SGCZ: variants seen among roughly 807,000 people sequenced by gnomAD.
The protein encoded by SGCZ is sarcoglycan zeta.
A neutral mutation model predicts 41.3 loss-of-function variants in SGCZ; 40 were observed. That is an observed-to-expected ratio of 0.97 (90% CI 0.75 to 1.26). SGCZ has a LOEUF of 1.26. Among genes scored for constraint, SGCZ ranks in the 50% most tolerant of loss-of-function variants. The pLI, the probability that SGCZ is intolerant of heterozygous loss-of-function variation, is 0.00. For missense variants in SGCZ, 552 were observed against 369.8 expected (o/e 1.49, Z -4.04); for synonymous variants, 206 against 137.5 (o/e 1.50, Z -3.49).
rs1807998081 is a variant in SGCZ at position 15,133,630 on chromosome 8, C to G, written c.39+103955G>C. Among the ~76,000 whole-genome samples, 4 of 152,206 alleles carry G rather than the reference C, an allele frequency of 2.6e-5. No individual in the cohort carries two copies. The South Asian group carries it at 6.2e-4, about 24-fold the overall frequency. On this transcript the variant is annotated intron_variant, in intron 1 of 7. Transcript: ENST00000382080. ...GAAAACAAAATCTGCCACATAACCA[C>G]AGTAAACTGATGTCTTTTACTCTCT...
intron 1 of SGCZ, among the ~76,000 whole-genome samples, chr8:14,579,964 AT>A (rs1437189210): frequency 6.6e-6 from 1 of 152,160 alleles, no homozygotes; most frequent in East Asian, 1.9e-4. Context: ...GAGTATTATG[AT>A]TGTCTGCTGA....
chr8:14,087,694 T>C lies in SGCZ; in HGVS notation c.*2749A>G, dbSNP rs1226522429. Among the ~76,000 whole-genome samples the C allele has an allele frequency of 6.7e-6, 1 of 148,262 alleles. No homozygotes were observed. Among genetic ancestry groups the C allele is most frequent in the Non-Finnish European group, 1.5e-5 (1 of 67,284 alleles). On this transcript the variant is annotated 3_prime_UTR_variant, in exon 8 of 8. Transcript: ENST00000382080. ...CATAATCTGTTAGGGTACTGTGCAA[T>C]TAAGGGACCACTATATTTTTAAAAA...
At position 14,345,225 on chromosome 8, in the gene SGCZ, T is replaced by C. The variant is rs1802853552; in HGVS notation, c.235-21021A>G. Among the ~76,000 whole-genome samples, 4 of 152,040 alleles carry C rather than the reference T, an allele frequency of 2.6e-5. No homozygotes were observed. In the South Asian group the frequency reaches 6.2e-4, roughly 24 times the overall value. ...AGCGACATGCCAATTAAACCACAAG[T>C]TTTCACTACACATCCATTAGAGTCA... On this transcript the variant is annotated intron_variant, in intron 2 of 7. Transcript: ENST00000382080.
chr8:15,158,860 T>A (rs1799412158), intron 1 of SGCZ, among the ~76,000 whole-genome samples: 3 of 152,164 alleles, frequency 2.0e-5, no homozygotes, highest in Admixed American at 2.0e-4. Context: ...AAGTCTAAAC[T>A]CAAGGAGGGT....
chr8:15,194,167 C>T lies in SGCZ; in HGVS notation c.39+43418G>A, dbSNP rs1800635337. Among the ~76,000 whole-genome samples, 3 of 148,336 alleles carry T rather than the reference C, an allele frequency of 2.0e-5. No individual in the cohort carries two copies. In the South Asian group the frequency reaches 6.4e-4, roughly 32 times the overall value. ...AATGGGCTACTCACCTGAAATAGTC[C>T]TCGTGTCCCACCTCTAATCACACAC... On this transcript the variant is annotated intron_variant, in intron 1 of 7. Transcript: ENST00000382080.
chr8:14,546,491 A>C (rs1803632094), intron 2 of SGCZ, among the ~76,000 whole-genome samples: 1 of 152,194 alleles, frequency 6.6e-6, no homozygotes, highest in South Asian at 2.1e-4. Flanking sequence ...TAAAGGTGCC[A>C]TTAATAAATG....
At chr8:14,703,498 C>G (rs2117605751) in intron 1 of SGCZ, among the ~76,000 whole-genome samples, 1 of 152,038 alleles carries the variant, frequency 6.6e-6, no homozygotes, top group East Asian at 1.9e-4. Flanking sequence ...TCTCACATTG[C>G]TTTATCTTTT....
rs11782187 is a variant in SGCZ at position 15,237,787 on chromosome 8, A to G, written c.-164T>C. 0.51 allele frequency: 309,090 copies of G among 602,230 alleles called. 83,784 individuals are homozygous for G. Among genetic ancestry groups the G allele is most frequent in the Non-Finnish European group, 0.58 (194,618 of 338,198 alleles). 37.3% of individuals were successfully genotyped at this position (602,230 alleles called of 1,614,324 possible). Reference sequence around the variant, plus strand: ...ACGCCGCCTCCACCGGGTTAAAAATAAGGAAAATAAATAAATAATAATGAT... The same window carrying G: ...ACGCCGCCTCCACCGGGTTAAAAATGAGGAAAATAAATAAATAATAATGAT... On this transcript the variant is annotated 5_prime_UTR_variant, in exon 1 of 8. Transcript: ENST00000382080.
At chr8:14,422,587 A>C (rs545157414) in intron 2 of SGCZ, among the ~76,000 whole-genome samples, 31 of 152,342 alleles carry the variant, frequency 2.0e-4, no homozygotes, top group African/African-American at 7.2e-4. Context: ...TTTTCTGCTT[A>C]CTGTAAAACA....
At chr8:14,616,679 A>G (rs1235969999) in intron 1 of SGCZ, among the ~76,000 whole-genome samples, 1 of 152,146 alleles carries the variant, frequency 6.6e-6, no homozygotes, top group African/African-American at 2.4e-5. Context: ...TGAGTATGTT[A>G]GTCAACTGAT....
intron 2 of SGCZ, among the ~76,000 whole-genome samples, chr8:14,455,321 T>G (rs1467535974): frequency 3.3e-5 from 5 of 152,212 alleles, no homozygotes; most frequent in Non-Finnish European, 4.4e-5. Flanking sequence ...ATAACTAAGG[T>G]ACTGTTTTCT....
At chr8:14,728,167 G>C (rs1810120191) in intron 1 of SGCZ, among the ~76,000 whole-genome samples, 1 of 152,108 alleles carries the variant, frequency 6.6e-6, no homozygotes, top group African/African-American at 2.4e-5. Context: ...GTAGGTATGT[G>C]CAATGTCAAA....
At chr8:14,635,451 T>C (rs765151348) in intron 1 of SGCZ, among the ~76,000 whole-genome samples, 10 of 151,960 alleles carry the variant, frequency 6.6e-5, no homozygotes, top group Non-Finnish European at 1.3e-4. Flanking sequence ...AAGCCAAGTG[T>C]TATGTGACAA....
At chr8:14,833,285 T>C (rs764198342) in intron 1 of SGCZ, among the ~76,000 whole-genome samples, 5 of 151,820 alleles carry the variant, frequency 3.3e-5, no homozygotes, top group African/African-American at 4.8e-5. Flanking sequence ...CTACAGAGAG[T>C]CATATGTGAG....
At position 14,312,322 on chromosome 8, in the gene SGCZ, GA is replaced by G. The variant is rs1314639236; in HGVS notation, c.336+11780del. Reference sequence around the variant, plus strand: ...TGTGGTCTGCTCCTAGAGTTTTGGGGAAAAAAAGTAATTTTTTAGTAAATCT... The same window carrying G: ...TGTGGTCTGCTCCTAGAGTTTTGGGGAAAAAAGTAATTTTTTAGTAAATCT... On this transcript the variant is annotated intron_variant, in intron 3 of 7. Transcript: ENST00000382080. Among the ~76,000 whole-genome samples, 6 of 151,890 alleles carry G rather than the reference GA, an allele frequency of 4.0e-5. No individual in the cohort carries two copies. In the East Asian group the frequency reaches 9.7e-4, roughly 24 times the overall value.
At chr8:14,258,359 G>A (rs1799537971) in intron 3 of SGCZ, among the ~76,000 whole-genome samples, 2 of 152,064 alleles carry the variant, frequency 1.3e-5, no homozygotes, top group African/African-American at 4.8e-5. Context: ...GCAAACACAT[G>A]CCCTGTACTT....
chr8:14,365,099 C>T (rs1803651303), intron 2 of SGCZ, among the ~76,000 whole-genome samples: 4 of 151,694 alleles, frequency 2.6e-5, no homozygotes, highest in Admixed American at 2.6e-4. Flanking sequence ...AACAGCATGC[C>T]CTTTTCACTT....
chr8:14,817,149 T>C (rs1801929375), intron 1 of SGCZ, among the ~76,000 whole-genome samples: 1 of 152,132 alleles, frequency 6.6e-6, no homozygotes. Flanking sequence ...CTCAGTAACA[T>C]CCTTTTCCTT....
rs183543964 is a variant in SGCZ, at chr8:15,224,109, G to A, written c.39+13476C>T. Among the ~76,000 whole-genome samples the A allele has an allele frequency of 1.3e-3, 203 of 152,202 alleles. 1 individual carries two copies. Among genetic ancestry groups the A allele is most frequent in the African/African-American group, 4.7e-3 (194 of 41,542 alleles). On this transcript the variant is annotated intron_variant, in intron 1 of 7. Transcript: ENST00000382080. ...GACCTCAAGTGATCTGCCTGCCTTC[G>A]CCTCCCAAAGTGCTGGGATAACAGG...
Sources: allele counts gnomAD v4.1 joint callset (sites outside exome capture counted in the v4.1 genomes callset), GRCh38; gene constraint gnomAD v4.1.1; transcripts MANE v1.5; gene names NCBI Gene and HGNC (gene_info 2026-07-23, HGNC 2026-07-21).